The following ASTN1 variants were observed in gnomAD, a reference collection of about 807,000 sequenced individuals.
The protein encoded by ASTN1 is astrotactin 1.
Under a neutral mutation model 140.7 loss-of-function variants are expected in ASTN1, and 41 were observed. The ratio of observed to expected loss-of-function variants is 0.29; its 90% CI spans 0.23 to 0.38. The LOEUF (loss-of-function observed/expected upper bound fraction) is 0.38. Ranked by LOEUF, ASTN1 falls within the 10% of genes least tolerant of loss-of-function variation. The pLI, the probability that ASTN1 is intolerant of heterozygous loss-of-function variation, is 1.00. For synonymous variants in ASTN1, 640 were observed against 652.2 expected (o/e 0.98, Z 0.29); for missense variants, 1,479 against 1,678.8 (o/e 0.88, Z 2.08).
intron 2 of ASTN1, among the ~76,000 whole-genome samples, chr1:177,055,377 A>T (rs1677750055): frequency 6.6e-6 from 1 of 152,252 alleles, no homozygotes; most frequent in Non-Finnish European, 1.5e-5. Flanking sequence ...GATGTTTGTA[A>T]GCCAAACCTT....
chr1:176,878,146 G>T (rs900177705), intron 20 of ASTN1, among the ~76,000 whole-genome samples: 1 of 152,142 alleles, frequency 6.6e-6, no homozygotes, highest in East Asian at 1.9e-4. Flanking sequence ...GGTCTGCTGG[G>T]ACTCAGAATG....
chr1:177,093,244 T>C (rs1395917620), intron 1 of ASTN1, among the ~76,000 whole-genome samples: 1 of 152,214 alleles, frequency 6.6e-6, no homozygotes, highest in Admixed American at 6.5e-5. Flanking sequence ...TTCTGCCTTC[T>C]CCTTTCATCA....
downstream of ASTN1, chr1:176,861,034 G>A (rs1667943575): frequency 1.1e-6 from 1 of 931,606 alleles, no homozygotes. Flanking sequence ...AGTTCACTCA[G>A]ATTACTGAAA....
At chr1:176,934,116 T>G in intron 16 of ASTN1, 36 bp downstream of exon 16, 3 of 1,573,166 alleles carry the variant, frequency 1.9e-6, no homozygotes, top group Non-Finnish European at 2.6e-6. Context: ...AGTACTGGCA[T>G]GAGGTATGGA....
At chr1:176,895,488 T>A (rs1669466560) in intron 16 of ASTN1, among the ~76,000 whole-genome samples, 5 of 152,348 alleles carry the variant, frequency 3.3e-5, no homozygotes, top group Middle Eastern at 3.4e-3. Flanking sequence ...TCCACTTTTG[T>A]CTGATTCTTA....
At chr1:176,941,286 C>G (rs1009313589) in intron 14 of ASTN1, among the ~76,000 whole-genome samples, 1 of 152,216 alleles carries the variant, frequency 6.6e-6, no homozygotes, top group Non-Finnish European at 1.5e-5. Flanking sequence ...AACCCAATCC[C>G]TGCTTACATC....
At chr1:176,994,552 AG>A (rs1674350359) in intron 8 of ASTN1, among the ~76,000 whole-genome samples, 1 of 152,150 alleles carries the variant, frequency 6.6e-6, no homozygotes, top group African/African-American at 2.4e-5. Flanking sequence ...CATGTTGGCC[AG>A]GCTGGTCTCG....
chr1:176,869,959 C>A (rs951415314), intron 21 of ASTN1, among the ~76,000 whole-genome samples: 3 of 151,726 alleles, frequency 2.0e-5, no homozygotes, highest in Non-Finnish European at 4.4e-5. Flanking sequence ...CTGTGGAGAC[C>A]CAGAAATGGA....
chr1:177,076,269 ACT>A (rs1678900520), intron 1 of ASTN1, among the ~76,000 whole-genome samples: 1 of 123,238 alleles, frequency 8.1e-6, no homozygotes, highest in Non-Finnish European at 1.7e-5. Context: ...ACAGAGCGAG[ACT>A]ATGTCTCAAA....
At chr1:176,908,555 G>A (rs1483707613) in intron 16 of ASTN1, among the ~76,000 whole-genome samples, 3 of 152,206 alleles carry the variant, frequency 2.0e-5, no homozygotes, top group African/African-American at 7.2e-5. Flanking sequence ...CATGGCACAA[G>A]GCAGTCAGCC....
chr1:176,887,678 G>T (rs370062072), intron 18 of ASTN1, among the ~76,000 whole-genome samples: 1 of 151,954 alleles, frequency 6.6e-6, no homozygotes, highest in Non-Finnish European at 1.5e-5. Flanking sequence ...TTATGTTTTT[G>T]GTCTAGTTAA....
chr1:177,042,727 A>G (rs1386063394), intron 2 of ASTN1, among the ~76,000 whole-genome samples: 1 of 152,258 alleles, frequency 6.6e-6, no homozygotes, highest in East Asian at 1.9e-4. Flanking sequence ...ACATAGTAGT[A>G]TGAGGCCAAA....
intron 2 of ASTN1, among the ~76,000 whole-genome samples, chr1:177,048,039 T>A (rs1023297808): frequency 2.0e-5 from 3 of 152,186 alleles, no homozygotes; most frequent in Admixed American, 2.0e-4. Flanking sequence ...TACAGTATTA[T>A]ACAGGAATAT....
chr1:177,081,411 T>C (rs552685035), intron 1 of ASTN1, among the ~76,000 whole-genome samples: 1 of 152,132 alleles, frequency 6.6e-6, no homozygotes, highest in African/African-American at 2.4e-5. Context: ...CAATAAAGGG[T>C]CAGTTGCCAA....
In ASTN1 at chr1:177,024,716, A is replaced by G; in HGVS notation, c.1137T>C (p.Ser379=). ...GGGTCAAGGTGGTCTTATTCACAGG[A>G]CTTCGGGGAGAACCCACTGAAAGTG... The part of the protein sequence containing the change: ...RRRSRVGSPR[S]PVNKTTLTLI... Residue 379 remains serine, a synonymous_variant, in exon 6 of 23, where the codon AGT becomes AGC. Coordinates refer to ENST00000361833, the MANE Select transcript of ASTN1 (RefSeq NM_004319.3). The G allele has an allele frequency of 6.2e-7, 1 of 1,613,888 alleles. No individual in the cohort carries two copies. The highest frequency in any genetic ancestry group is 8.5e-7 in the Non-Finnish European group (1 of 1,179,798).
At chr1:176,891,804 C>T (rs1264423317) in intron 17 of ASTN1, among the ~76,000 whole-genome samples, 1 of 151,792 alleles carries the variant, frequency 6.6e-6, no homozygotes, top group Non-Finnish European at 1.5e-5. Flanking sequence ...AAAAAAGAAA[C>T]CCAGAAAAAC....
intron 2 of ASTN1, among the ~76,000 whole-genome samples, chr1:177,044,194 CACACACACAT>C (rs991687757): frequency 6.6e-6 from 1 of 151,426 alleles, no homozygotes; most frequent in African/African-American, 2.4e-5. Context: ...CACACACACA[CACACACACAT>C]ACACACACAC....
intron 2 of ASTN1, among the ~76,000 whole-genome samples, chr1:177,051,895 G>A (rs1677559546): frequency 6.6e-6 from 1 of 152,118 alleles, no homozygotes; most frequent in Admixed American, 6.5e-5. Context: ...TTCCCTAAAT[G>A]ACATCACGTG....
chr1:177,059,117 AT>A (rs778447103), intron 2 of ASTN1, among the ~76,000 whole-genome samples: 1 of 152,050 alleles, frequency 6.6e-6, no homozygotes, highest in Non-Finnish European at 1.5e-5. Context: ...TACCTTAAAC[AT>A]TTTCATCAGT....
Sources: gnomAD v4.1 joint callset for allele counts (sites outside exome capture counted in the v4.1 genomes callset) on GRCh38, gnomAD v4.1.1 for gene constraint, MANE v1.5 for transcripts, NCBI Gene and HGNC (gene_info 2026-07-23, HGNC 2026-07-21) for gene names.